RPA2: variants seen among roughly 807,000 people sequenced by gnomAD.
RPA2 encodes replication protein A2, also known as replication protein A 32 kDa subunit.
Under a neutral mutation model 33.4 loss-of-function variants are expected in RPA2, and 22 were observed. That is an observed-to-expected ratio of 0.66 (90% CI 0.47 to 0.94). The LOEUF (loss-of-function observed/expected upper bound fraction) is 0.94. RPA2 is among the 40% of genes least tolerant of loss of function. RPA2 has a pLI of 0.00. For missense variants in RPA2, 279 were observed against 329.9 expected (o/e 0.85, Z 1.19); for synonymous variants, 109 against 114.9 (o/e 0.95, Z 0.33).
chr1:27,911,927 C>G (rs2090100970), intron 2 of RPA2, among the ~76,000 whole-genome samples: 1 of 151,694 alleles, frequency 6.6e-6, no homozygotes, highest in African/African-American at 2.4e-5. Context: ...CCTGTCTCTA[C>G]TAAAAAAATA....
intron 4 of RPA2, among the ~76,000 whole-genome samples, chr1:27,901,258 C>G (rs942038592): frequency 6.6e-6 from 1 of 152,204 alleles, no homozygotes; most frequent in African/African-American, 2.4e-5. Context: ...CCTCCTCAGT[C>G]AGCAGCCATC....
chr1:27,907,102 C>A, intron 3 of RPA2, 61 bp from the exon 4 acceptor site: 1 of 1,569,334 alleles, frequency 6.4e-7, no homozygotes, highest in Non-Finnish European at 8.7e-7. Flanking sequence ...ACCAAGGCTA[C>A]ATTTTTGTAT....
intron 4 of RPA2, among the ~76,000 whole-genome samples, chr1:27,900,371 C>T (rs1344488705): frequency 6.6e-6 from 1 of 152,144 alleles, no homozygotes; most frequent in Non-Finnish European, 1.5e-5. Flanking sequence ...CTCAGTCTCC[C>T]AAAGTGCTGA....
Position 27,907,052 on chromosome 1 carries a change from A to G in RPA2, c.220-11T>C. 1 of 1,586,556 alleles carries G rather than the reference A, an allele frequency of 6.3e-7. No individual in the cohort carries two copies. Among genetic ancestry groups the G allele is most frequent in the Non-Finnish European group, 8.5e-7 (1 of 1,170,272 alleles). Reference sequence around the variant, plus strand: ...CCCCACAATAGTGACCTAGGTTAGAAGAAACAAAGAAAAAAAAAAAAGGTC... The same window carrying G: ...CCCCACAATAGTGACCTAGGTTAGAGGAAACAAAGAAAAAAAAAAAAGGTC... On this transcript the variant is annotated splice_polypyrimidine_tract_variant and intron_variant, in intron 3 of 8. Transcript: ENST00000373912.
intron 2 of RPA2, among the ~76,000 whole-genome samples, chr1:27,911,197 CAG>C (rs2090091978): frequency 6.6e-6 from 1 of 151,734 alleles, no homozygotes; most frequent in South Asian, 2.1e-4. Context: ...GCCTGGGCAA[CAG>C]AGAGACTGTC....
At chr1:27,905,362 C>G (rs191017845) in intron 4 of RPA2, among the ~76,000 whole-genome samples, 1 of 152,090 alleles carries the variant, frequency 6.6e-6, no homozygotes, top group Non-Finnish European at 1.5e-5. Context: ...GGCATGATCT[C>G]GGCTCACTGC....
At chr1:27,914,217 G>A (rs746956319) in intron 1 of RPA2, 48 bp from the exon 2 acceptor site, 2 of 1,610,668 alleles carry the variant, frequency 1.2e-6, no homozygotes, top group Admixed American at 3.4e-5. Flanking sequence ...CCACGCCTCC[G>A]AGAAACCCGC....
At chr1:27,904,756 C>G (rs773736214) in intron 4 of RPA2, among the ~76,000 whole-genome samples, 28 of 151,942 alleles carry the variant, frequency 1.8e-4, no homozygotes, top group Non-Finnish European at 2.5e-4. Context: ...CCTCTGTCTC[C>G]TAGGTTCAAT....
At chr1:27,902,032 T>C (rs765932597) in intron 4 of RPA2, among the ~76,000 whole-genome samples, 8 of 151,462 alleles carry the variant, frequency 5.3e-5, no homozygotes, top group Admixed American at 4.0e-4. Flanking sequence ...AAAAAATACA[T>C]ATATATGGCT....
chr1:27,894,267 G>A (rs1219053891), intron 7 of RPA2, 23 bp downstream of exon 7: 6 of 1,602,228 alleles, frequency 3.7e-6, no homozygotes, highest in Non-Finnish European at 4.3e-6. Flanking sequence ...TTGTATTTCT[G>A]AAGCCACTCT....
intron 4 of RPA2, among the ~76,000 whole-genome samples, chr1:27,899,063 A>G (rs1472157109): frequency 6.6e-6 from 1 of 152,086 alleles, no homozygotes; most frequent in African/African-American, 2.4e-5. Context: ...AAAAAACTAG[A>G]AAATATATGC....
intron 3 of RPA2, 33 bp downstream of exon 3, chr1:27,907,148 G>A: frequency 2.5e-6 from 4 of 1,594,732 alleles, no homozygotes; most frequent in Non-Finnish European, 3.4e-6. Context: ...TTTATTATGA[G>A]TAAGTGATTC....
chr1:27,896,799 G>C (rs2089897339), intron 6 of RPA2, among the ~76,000 whole-genome samples: 1 of 152,184 alleles, frequency 6.6e-6, no homozygotes, highest in Non-Finnish European at 1.5e-5. Context: ...AGTGGAGTCA[G>C]AGGAACTCCT....
chr1:27,913,441 A>G (rs1476953783), intron 2 of RPA2, among the ~76,000 whole-genome samples: 1 of 151,200 alleles, frequency 6.6e-6, no homozygotes, highest in East Asian at 2.0e-4. Context: ...ACACAAAATT[A>G]GCCGGGCGTG....
At chr1:27,911,599 T>G (rs2090097391) in intron 2 of RPA2, among the ~76,000 whole-genome samples, 1 of 152,114 alleles carries the variant, frequency 6.6e-6, no homozygotes, top group Non-Finnish European at 1.5e-5. Context: ...TGAGATCTTC[T>G]AGGAAAGAGA....
chr1:27,907,160 T>A (rs1254472444), intron 3 of RPA2, 21 bp downstream of exon 3: 1 of 1,602,566 alleles, frequency 6.2e-7, no homozygotes, highest in Admixed American at 1.7e-5. Context: ...AAGTGATTCT[T>A]TCACAAATTA....
chr1:27,894,649 C>T (rs1450832098), intron 6 of RPA2, among the ~76,000 whole-genome samples: 3 of 152,094 alleles, frequency 2.0e-5, no homozygotes, highest in Non-Finnish European at 4.4e-5. Flanking sequence ...TGATGTCAGA[C>T]GAACCAGAGA....
chr1:27,914,383 T>TA (rs769320921), intron 1 of RPA2, 51 bp downstream of exon 1: 39 of 1,613,696 alleles, frequency 2.4e-5, no homozygotes, highest in Non-Finnish European at 2.9e-5. Context: ...GCCCTCTTGC[T>TA]AAAACCTCCT....
chr1:27,912,056 T>G (rs542238256), intron 2 of RPA2, among the ~76,000 whole-genome samples: 1 of 151,540 alleles, frequency 6.6e-6, no homozygotes, highest in East Asian at 1.9e-4. Flanking sequence ...ATTGTGTCAC[T>G]ACACTCCAGC....
Sources: allele counts gnomAD v4.1 joint callset (sites outside exome capture counted in the v4.1 genomes callset), GRCh38; gene constraint gnomAD v4.1.1; transcripts MANE v1.5; gene names NCBI Gene and HGNC (gene_info 2026-07-23, HGNC 2026-07-21).